Variants in SCN9A observed in about 807,000 individuals in gnomAD.
The protein encoded by SCN9A is sodium voltage-gated channel alpha subunit 9, also known as sodium channel protein type 9 subunit alpha.
A neutral mutation model predicts 187.0 loss-of-function variants in SCN9A; 131 were observed. That is an observed-to-expected ratio of 0.70 (90% CI 0.61 to 0.81). The LOEUF is 0.81. SCN9A is among the 30% of genes least tolerant of loss of function. The pLI, the probability that SCN9A is intolerant of heterozygous loss-of-function variation, is 0.00. For synonymous variants in SCN9A, 809 were observed against 808.6 expected (o/e 1.00, Z -0.01); for missense variants, 2,252 against 2,396.6 (o/e 0.94, Z 1.26).
intron 19 of SCN9A, among the ~76,000 whole-genome samples, chr2:166,240,475 T>G (rs1387688835): frequency 6.6e-6 from 1 of 152,224 alleles, no homozygotes; most frequent in African/African-American, 2.4e-5. Context: ...TCCCCAAATG[T>G]CTTCCTCTGT....
intron 7 of SCN9A, chr2:166,301,095 G>A (rs1467896006): frequency 2.8e-5 from 4 of 144,592 alleles, no homozygotes; most frequent in Non-Finnish European, 3.0e-5. Context: ...TAGTAGAGAC[G>A]GGGTTTCTTT....
At chr2:166,215,939 GA>G (rs1464891992) in intron 24 of SCN9A, among the ~76,000 whole-genome samples, 2 of 151,910 alleles carry the variant, frequency 1.3e-5, no homozygotes, top group Non-Finnish European at 2.9e-5. Context: ...TACCAGAAAA[GA>G]AAACTGCAGG....
chr2:166,335,884 A>G (rs1699614196), intron 1 of SCN9A, among the ~76,000 whole-genome samples: 1 of 152,114 alleles, frequency 6.6e-6, no homozygotes. Flanking sequence ...AAAAATAAGC[A>G]CAGTCTGAGC....
intron 1 of SCN9A, among the ~76,000 whole-genome samples, chr2:166,347,845 C>T (rs1699938815): frequency 6.6e-6 from 1 of 152,106 alleles, no homozygotes. Context: ...GAGGCTGTTA[C>T]ACTCTGATCT....
Position 166,367,388 on chromosome 2 carries a change from G to A in SCN9A, c.-51+8309C>T, listed in dbSNP as rs138452077. Among the ~76,000 whole-genome samples the A allele has an allele frequency of 4.7e-3, 711 of 152,042 alleles. 9 individuals are homozygous for A. The highest frequency in any genetic ancestry group is 0.016 in the African/African-American group (667 of 41,472). On this transcript the variant is annotated intron_variant, in intron 1 of 26. Transcript: ENST00000642356. ...GGCAATTCTCCTGCCTCAGCCTCCC[G>A]AGAAGCTGGGACTACAGGTGCTGGC...
rs1307857313 is a variant in SCN9A, at chr2:166,196,290, T to G, written c.*2382A>C. ...TCTTTCTTCCAAATATTATTTTTAA[T>G]TGATAAAAAGTCACAAGTAGACATT... On this transcript the variant is annotated 3_prime_UTR_variant, in exon 27 of 27. Coordinates refer to ENST00000642356, the MANE Select transcript of SCN9A (RefSeq NM_001365536.1). 1.3e-5 allele frequency: 2 copies of G among 152,092 alleles called. No individual in the cohort carries two copies. The highest frequency in any genetic ancestry group is 2.9e-5 in the Non-Finnish European group (2 of 68,012). The allele number at this position is 152,092 out of a possible 1,614,324, so 9.4% of individuals were successfully genotyped here.
At chr2:166,307,993 T>C (rs926393246) in intron 2 of SCN9A, among the ~76,000 whole-genome samples, 11 of 152,184 alleles carry the variant, frequency 7.2e-5, no homozygotes, top group Admixed American at 3.3e-4. Context: ...TTTCTCACCG[T>C]ATTCAGGAGG....
At chr2:166,371,957 A>C (rs1049237742) in intron 1 of SCN9A, among the ~76,000 whole-genome samples, 3 of 152,220 alleles carry the variant, frequency 2.0e-5, no homozygotes, top group Non-Finnish European at 4.4e-5. Flanking sequence ...AAAATCATTA[A>C]TCAGTTTGTC....
At chr2:166,285,642 C>G (rs1697704755) in intron 11 of SCN9A, among the ~76,000 whole-genome samples, 1 of 151,982 alleles carries the variant, frequency 6.6e-6, no homozygotes, top group Admixed American at 6.6e-5. Context: ...TCAGGAGAAT[C>G]TTGTAGATTT....
At chr2:166,205,663 G>C (rs1380857875) in intron 24 of SCN9A, among the ~76,000 whole-genome samples, 1 of 152,116 alleles carries the variant, frequency 6.6e-6, no homozygotes, top group Admixed American at 6.5e-5. Flanking sequence ...CAGACAAATG[G>C]GATCTAATTA....
chr2:166,280,487 TA>T lies in SCN9A; in HGVS notation c.2212del (p.Tyr738IlefsTer4), dbSNP rs1559006121. 5 of 1,586,242 alleles carry T rather than the reference TA, an allele frequency of 3.2e-6. No individual in the cohort carries two copies. Among genetic ancestry groups the T allele is most frequent in the Non-Finnish European group, 4.3e-6 (5 of 1,163,818 alleles). On this transcript the variant is annotated frameshift_variant, in exon 14 of 27. Transcript: ENST00000642356. LOFTEE classifies it high-confidence loss of function. ...TACAAAAGGATCCATTACAATAAAATAGATACACTTTTTGAATTTTATCCAA... is the reference window on the plus strand; with the variant it reads ...TACAAAAGGATCCATTACAATAAAATGATACACTTTTTGAATTTTATCCAA... Reference protein sequence around the residue: ...PYWIKFKKCIYFIVMDPFVDL... With the variant: ...PYWIKFKKCIXFIVMDPFVDL...
At position 166,270,418 on chromosome 2, in the gene SCN9A, G is replaced by C. The variant is rs965504075; in HGVS notation, c.3351+1981C>G. Among the ~76,000 whole-genome samples, 7 of 151,670 alleles carry C rather than the reference G, an allele frequency of 4.6e-5. No individual in the cohort carries two copies. In the East Asian group the frequency reaches 1.4e-3, roughly 30 times the overall value. ...AGCATCTGCAGATTTTAGTCTCTGT[G>C]GGGGGCCTTCAAACTACTCGCCCAT... On this transcript the variant is annotated intron_variant, in intron 17 of 26. Coordinates refer to ENST00000642356, the MANE Select transcript of SCN9A (RefSeq NM_001365536.1).
intron 1 of SCN9A, among the ~76,000 whole-genome samples, chr2:166,355,428 G>T (rs185512688): frequency 3.3e-5 from 5 of 151,990 alleles, no homozygotes; most frequent in Admixed American, 6.6e-5. Context: ...AACATTTCTA[G>T]TTCTTCTTTG....
At chr2:166,249,218 T>C (rs1318675679) in intron 18 of SCN9A, 1 of 152,108 alleles carries the variant, frequency 6.6e-6, no homozygotes, top group Non-Finnish European at 1.5e-5. Context: ...TATGTGCTAG[T>C]AAGTTCTTCC....
At position 166,203,994 on chromosome 2, in the gene SCN9A, T is replaced by C. The variant is rs755887452; in HGVS notation, c.4735A>G (p.Asn1579Asp). 18 of 1,599,188 alleles carry C rather than the reference T, an allele frequency of 1.1e-5. No individual in the cohort carries two copies. In the East Asian group the frequency reaches 3.4e-4, roughly 30 times the overall value. ...ATCACAACCACAAAATCAAAAATATTCCATCCTACAGTGAAGTAGTAGTGT... is the reference window on the plus strand; with the variant it reads ...ATCACAACCACAAAATCAAAAATATCCCATCCTACAGTGAAGTAGTAGTGT... ...LRHYYFTVGW[N>D]IFDFVVVIIS... Residue 1579 changes from asparagine (N) to aspartate (D), a missense_variant, in exon 26 of 27, where the codon AAT becomes GAT. Around this residue, in one of 7 missense-constraint regions of SCN9A, gnomAD observed 368 missense variants for 408.6 expected, o/e 0.90. Transcript: ENST00000642356.
At chr2:166,244,010 T>C (rs996437404) in intron 18 of SCN9A, among the ~76,000 whole-genome samples, 1 of 152,102 alleles carries the variant, frequency 6.6e-6, no homozygotes, top group Non-Finnish European at 1.5e-5. Flanking sequence ...GATTTGGTGA[T>C]TGATTGGATA....
At chr2:166,240,015 A>T (rs1574784841) in intron 19 of SCN9A, among the ~76,000 whole-genome samples, 1 of 151,930 alleles carries the variant, frequency 6.6e-6, no homozygotes, top group Non-Finnish European at 1.5e-5. Context: ...TTTTGTGTAT[A>T]CTCTTCTTTC....
At chr2:166,208,350 T>G (rs1184277299) in intron 24 of SCN9A, among the ~76,000 whole-genome samples, 1 of 152,182 alleles carries the variant, frequency 6.6e-6, no homozygotes, top group African/African-American at 2.4e-5. Context: ...GCATTTGTGT[T>G]TGCTGAGAAG....
At chr2:166,370,851 G>A (rs911805746) in intron 1 of SCN9A, among the ~76,000 whole-genome samples, 6 of 151,844 alleles carry the variant, frequency 4.0e-5, no homozygotes, top group African/African-American at 1.4e-4. Context: ...ATTCATTGCA[G>A]GGCAGGATGC....
Sources: gnomAD v4.1 joint callset for allele counts (sites outside exome capture counted in the v4.1 genomes callset) on GRCh38, gnomAD v4.1.1 for gene constraint, gnomAD v4.1.1 regional missense constraint, MANE v1.5 for transcripts, NCBI Gene and HGNC (gene_info 2026-07-23, HGNC 2026-07-21) for gene names.